The following ETNK2 variants were observed in gnomAD, a reference collection of about 807,000 sequenced individuals.
ETNK2 encodes ethanolamine kinase 2.
ETNK2 carries 33 observed loss-of-function variants against 46.2 expected under a neutral mutation model. The ratio of observed to expected loss-of-function variants is 0.71; its 90% CI spans 0.54 to 0.96. ETNK2 has a LOEUF of 0.96. ETNK2 is among the 40% of genes least tolerant of loss of function. ETNK2 has a pLI of 0.00. For synonymous variants in ETNK2, 194 were observed against 209.0 expected, an observed-to-expected ratio of 0.93 and a Z score of 0.62; for missense variants, 445 against 509.7, an observed-to-expected ratio of 0.87 and a Z score of 1.22.
intron 2 of ETNK2, 150 bp downstream of exon 2, chr1:204,149,553 G>T: frequency 1.0e-6 from 1 of 994,694 alleles, no homozygotes. Context: ...GCCCCTCTCT[G>T]CAGAGCAATG....
intron 6 of ETNK2, 91 bp downstream of exon 6, chr1:204,137,013 C>T: frequency 2.0e-6 from 3 of 1,533,286 alleles, no homozygotes; most frequent in Non-Finnish European, 2.7e-6. Context: ...TCTCACCTGA[C>T]CCTGGGCTCT....
intron 5 of ETNK2, 101 bp downstream of exon 5, chr1:204,139,934 C>G (rs772909602): frequency 1.1e-6 from 1 of 925,404 alleles, no homozygotes; most frequent in African/African-American, 1.6e-5. Flanking sequence ...TACCTATTAC[C>G]GTAAATATAC....
At chr1:204,137,515 G>A (rs1291278077) in intron 5 of ETNK2, among the ~76,000 whole-genome samples, 1 of 152,170 alleles carries the variant, frequency 6.6e-6, no homozygotes, top group Non-Finnish European at 1.5e-5. Context: ...GCAAGACACT[G>A]TCCTGGGAGT....
At chr1:204,143,932 C>T (rs573249527) in intron 3 of ETNK2, among the ~76,000 whole-genome samples, 14 of 152,282 alleles carry the variant, frequency 9.2e-5, no homozygotes, top group Non-Finnish European at 1.6e-4. Context: ...AACACCAAGG[C>T]TACTAAATCT....
At chr1:204,146,883 G>T in intron 2 of ETNK2, 119 bp from the exon 3 acceptor site, 1 of 1,290,808 alleles carries the variant, frequency 7.7e-7, no homozygotes, top group Non-Finnish European at 1.1e-6. Flanking sequence ...AGAGGGCCAA[G>T]GATGGGATGA....
Position 204,151,670 on chromosome 1 carries a change from G to A in ETNK2, c.183C>T (p.Asp61=), listed in dbSNP as rs1346077714. The change falls in exon 1 of 8, where the codon GAC becomes GAT. Residue 61 remains aspartate, a synonymous_variant. Transcript: ENST00000367202. This position sits in a 1 kb window ranked among gnomAD's most constrained non-coding sequence, Gnocchi z 8.0. ...VAYFGISVDP[D]DILPGALRLI... ...GGCGCAGGGCCCCGGGAAGGATGTC[G>A]TCCGGGTCCACGGAAATGCCGAAGT... is the stretch of plus-strand genomic sequence containing the variant. 1 of 1,548,642 alleles carries A rather than the reference G, an allele frequency of 6.5e-7. No homozygotes were observed. The highest frequency in any genetic ancestry group is 8.7e-7 in the Non-Finnish European group (1 of 1,146,148).
At chr1:204,146,025 A>T (rs1657766188) in intron 3 of ETNK2, among the ~76,000 whole-genome samples, 1 of 152,174 alleles carries the variant, frequency 6.6e-6, no homozygotes, top group Admixed American at 6.5e-5. Flanking sequence ...TGGGTGGTCT[A>T]TCTCCTTTCC....
intron 6 of ETNK2, among the ~76,000 whole-genome samples, chr1:204,136,738 A>G (rs1232129214): frequency 2.0e-5 from 3 of 151,420 alleles, no homozygotes; most frequent in Non-Finnish European, 2.9e-5. Context: ...AAAAGTATAT[A>G]TACATATATA....
At chr1:204,147,184 C>T (rs1164401685) in intron 2 of ETNK2, among the ~76,000 whole-genome samples, 1 of 152,208 alleles carries the variant, frequency 6.6e-6, no homozygotes, top group Admixed American at 6.5e-5. Flanking sequence ...GAACATAGTT[C>T]ACTTTGCACC....
chr1:204,144,493 C>A (rs2102297193), intron 3 of ETNK2, among the ~76,000 whole-genome samples: 1 of 152,074 alleles, frequency 6.6e-6, no homozygotes, highest in South Asian at 2.1e-4. Context: ...AATTACATCA[C>A]TCCCAACTGG....
At chr1:204,140,311 C>T (rs576815404) in intron 4 of ETNK2, among the ~76,000 whole-genome samples, 193 bp from the exon 5 acceptor site, 4 of 143,948 alleles carry the variant, frequency 2.8e-5, no homozygotes, top group Admixed American at 6.7e-5. Flanking sequence ...TCCATCCATC[C>T]ATCCATCCAT....
Position 204,137,172 on chromosome 1 carries a change from G to C in ETNK2, c.946C>G (p.Gln316Glu), listed in dbSNP as rs1301210440. ...CTGGGGGTCACGGCCATCCCCTTTT[G>C]TGCCTGCAGGTAGTAGTGCAGCCAC... is the stretch of plus-strand genomic sequence containing the variant. ...LQWLHYYLQAQKGMAVTPREV... is the reference protein window; with the variant it reads ...LQWLHYYLQAEKGMAVTPREV... The change falls in exon 6 of 8, where the codon CAA becomes GAA. Residue 316 changes from glutamine (Q) to glutamate (E), a missense_variant. Coordinates refer to ENST00000367202, the MANE Select transcript of ETNK2 (RefSeq NM_018208.4). The C allele has an allele frequency of 1.2e-6, 2 of 1,613,988 alleles. No homozygotes were observed. Among genetic ancestry groups the C allele is most frequent in the Non-Finnish European group, 1.7e-6 (2 of 1,179,864 alleles).
rs1055105561 is a variant in ETNK2, at chr1:204,137,325, C to T, written c.869-76G>A. On this transcript the variant is annotated intron_variant, in intron 5 of 7. Coordinates refer to ENST00000367202, the MANE Select transcript of ETNK2 (RefSeq NM_018208.4). The stretch of plus-strand genomic sequence containing the variant: ...GGTCTCCTCAAGCTCAGTAGGTGTT[C>T]CCATCTCCCCTCAAACTCCCATCTC... 14 of 1,515,506 alleles carry T rather than the reference C, an allele frequency of 9.2e-6. No individual in the cohort carries two copies. The Admixed American group carries it at 2.7e-4, about 29-fold the overall frequency. 93.9% of individuals were successfully genotyped at this position (1,515,506 alleles called of 1,614,324 possible).
intron 7 of ETNK2, among the ~76,000 whole-genome samples, chr1:204,134,261 C>T (rs1657193837): frequency 6.6e-6 from 1 of 152,296 alleles, no homozygotes; most frequent in Non-Finnish European, 1.5e-5. Flanking sequence ...GTGGAGTAGG[C>T]GGTAGGATTT....
intron 5 of ETNK2, 106 bp from the exon 6 acceptor site, chr1:204,137,355 G>C (rs1408925023): frequency 1.4e-6 from 2 of 1,399,396 alleles, no homozygotes; most frequent in Non-Finnish European, 1.9e-6. Flanking sequence ...CATCTCCTTT[G>C]ATCTTTGGGG....
intron 3 of ETNK2, 30 bp downstream of exon 3, chr1:204,146,612 G>A (rs1361025490): frequency 6.2e-7 from 1 of 1,613,014 alleles, no homozygotes; most frequent in Non-Finnish European, 8.5e-7. Context: ...TCATATTAAG[G>A]CAGCCTTGGA....
intron 5 of ETNK2, among the ~76,000 whole-genome samples, chr1:204,137,796 C>T (rs11240678): frequency 6.6e-6 from 1 of 152,072 alleles, no homozygotes. Flanking sequence ...AGAGCACCCC[C>T]ACCCCAGTCC....
At position 204,140,021 on chromosome 1, in the gene ETNK2, A is replaced by C. The variant is rs201280297; in HGVS notation, c.868+14T>G. The C allele has an allele frequency of 2.2e-5, 36 of 1,611,618 alleles. No individual in the cohort carries two copies. In the East Asian group the frequency reaches 8.0e-4, roughly 36 times the overall value. On this transcript the variant is annotated intron_variant, in intron 5 of 7. Coordinates refer to ENST00000367202, the MANE Select transcript of ETNK2 (RefSeq NM_018208.4). ...CCGCTACAAAGCACATGACTGTAGA[A>C]ATGCCCCTCTCACCTGCAAACTCAT...
chr1:204,141,723 A>C, intron 3 of ETNK2: 1 of 465,520 alleles, frequency 2.1e-6, no homozygotes. Flanking sequence ...TCACTGACTG[A>C]GGGCATCCCT....
Sources: gnomAD v4.1 joint callset for allele counts (sites outside exome capture counted in the v4.1 genomes callset) on GRCh38, gnomAD v4.1.1 for gene constraint, Gnocchi (gnomAD v3.1) non-coding constraint, MANE v1.5 for transcripts, NCBI Gene and HGNC (gene_info 2026-07-23, HGNC 2026-07-21) for gene names.